The following ARHGAP32 variants were observed in gnomAD, a reference collection of about 807,000 sequenced individuals.
ARHGAP32 encodes rho GTPase-activating protein 32.
In ARHGAP32, 51 loss-of-function variants were observed where a neutral mutation model predicts 186.5. The observed-to-expected ratio is 0.27, with a 90% CI of 0.22 to 0.35. The LOEUF (loss-of-function observed/expected upper bound fraction) is 0.35, where lower values mean the gene tolerates loss of function less well. Ranked by LOEUF, ARHGAP32 falls within the 10% of genes least tolerant of loss-of-function variation. The pLI, the probability that ARHGAP32 is intolerant of heterozygous loss-of-function variation, is 1.00. For synonymous variants in ARHGAP32, 950 were observed against 964.3 expected (o/e 0.99, Z 0.27); for missense variants, 2,186 against 2,623.5 (o/e 0.83, Z 3.64).
At chr11:129,009,086 T>C (rs552989849) in intron 11 of ARHGAP32, among the ~76,000 whole-genome samples, 7 of 152,334 alleles carry the variant, frequency 4.6e-5, no homozygotes, top group African/African-American at 1.7e-4. Flanking sequence ...TATACAATAA[T>C]TTGGAAGAAT....
intron 11 of ARHGAP32, among the ~76,000 whole-genome samples, chr11:129,001,143 C>A (rs1452521852): frequency 1.3e-5 from 2 of 152,146 alleles, no homozygotes; most frequent in Non-Finnish European, 2.9e-5. Context: ...TGGGTATATA[C>A]CCAGCAGTAG....
At chr11:129,053,554 C>A (rs1222519658) in intron 10 of ARHGAP32, among the ~76,000 whole-genome samples, 1 of 152,062 alleles carries the variant, frequency 6.6e-6, no homozygotes, top group Non-Finnish European at 1.5e-5. Flanking sequence ...CTGTTATATG[C>A]CTAAAATGCA....
At chr11:129,231,006 G>A (rs1170346084) in intron 1 of ARHGAP32, among the ~76,000 whole-genome samples, 3 of 151,998 alleles carry the variant, frequency 2.0e-5, no homozygotes, top group African/African-American at 7.3e-5. Context: ...ATGGTGGTGG[G>A]TGCCTGTAAT....
At chr11:129,279,421 A>C (rs1239540342), upstream of ARHGAP32, 13 of 142,084 alleles carry the variant, frequency 9.1e-5, no homozygotes, top group African/African-American at 3.3e-4. Context: ...TCCGGCACGC[A>C]CCGCGCTCGC....
intron 5 of ARHGAP32, among the ~76,000 whole-genome samples, chr11:129,119,698 T>C (rs945483562): frequency 2.0e-5 from 3 of 152,012 alleles, no homozygotes; most frequent in South Asian, 2.1e-4. Flanking sequence ...GTGACTATAG[T>C]TGCAATCTTA....
At chr11:129,278,849 G>A (rs895985634) in intron 1 of ARHGAP32, among the ~76,000 whole-genome samples, 3 of 150,988 alleles carry the variant, frequency 2.0e-5, no homozygotes, top group East Asian at 2.0e-4. Flanking sequence ...TGGGCCCGGG[G>A]CGGAGAGCGC....
chr11:129,168,178 C>T (rs1315068342), intron 1 of ARHGAP32, among the ~76,000 whole-genome samples: 1 of 152,102 alleles, frequency 6.6e-6, no homozygotes, highest in African/African-American at 2.4e-5. Flanking sequence ...CCCAGGATGT[C>T]GAGGCTGCAG....
At position 129,066,854 on chromosome 11, in the gene ARHGAP32, A is replaced by T; in HGVS notation, c.546T>A (p.Ile182=). The change falls in exon 7 of 23, where the codon ATT becomes ATA. Residue 182 remains isoleucine (I), a synonymous_variant. Coordinates refer to ENST00000682385, the MANE Select transcript of ARHGAP32 (RefSeq NM_001378024.1). ...VQIACQGKSW[I]VKRSYEDFRV... Reference sequence around the variant, plus strand: ...GAAAATCTTCATAACTTCTTTTAACAATCCAACTTTTTCCCTATTGGTAGA... The same window carrying T: ...GAAAATCTTCATAACTTCTTTTAACTATCCAACTTTTTCCCTATTGGTAGA... 6.2e-7 allele frequency: 1 copy of T among 1,605,948 alleles called. No individual in the cohort carries two copies. The highest frequency in any genetic ancestry group is 8.5e-7 in the Non-Finnish European group (1 of 1,175,530).
At chr11:129,086,857 T>C (rs1284102407) in intron 6 of ARHGAP32, among the ~76,000 whole-genome samples, 1 of 149,562 alleles carries the variant, frequency 6.7e-6, no homozygotes, top group African/African-American at 2.5e-5. Flanking sequence ...GATAAAGCAC[T>C]GTAAACCAAA....
intron 6 of ARHGAP32, among the ~76,000 whole-genome samples, chr11:129,090,654 C>G (rs1279398416): frequency 2.0e-5 from 3 of 152,016 alleles, no homozygotes; most frequent in Non-Finnish European, 4.4e-5. Flanking sequence ...AAACGCCCAC[C>G]ACAGATGGGC....
intron 5 of ARHGAP32, among the ~76,000 whole-genome samples, chr11:129,109,763 G>A (rs1005527239): frequency 6.6e-6 from 1 of 151,868 alleles, no homozygotes. Context: ...ACTTTTTAAT[G>A]AGATTTGTGT....
chr11:129,242,035 T>C (rs1049991607), intron 1 of ARHGAP32, among the ~76,000 whole-genome samples: 2 of 152,220 alleles, frequency 1.3e-5, no homozygotes, highest in Non-Finnish European at 2.9e-5. Flanking sequence ...CTGTTGCTTT[T>C]CTTTGAAAGT....
At chr11:129,013,317 C>T (rs1321281069) in intron 11 of ARHGAP32, among the ~76,000 whole-genome samples, 5 of 152,130 alleles carry the variant, frequency 3.3e-5, no homozygotes, top group Non-Finnish European at 4.4e-5. Flanking sequence ...AACATTGCTA[C>T]GTAGATTAGA....
At chr11:129,212,601 C>T (rs1348314879) in intron 1 of ARHGAP32, among the ~76,000 whole-genome samples, 2 of 152,106 alleles carry the variant, frequency 1.3e-5, no homozygotes, top group Non-Finnish European at 2.9e-5. Context: ...TTCCTAAATA[C>T]TTATATGAAT....
chr11:129,233,543 G>A (rs532118770), intron 1 of ARHGAP32, among the ~76,000 whole-genome samples: 9 of 151,808 alleles, frequency 5.9e-5, no homozygotes, highest in African/African-American at 9.7e-5. Context: ...CTCACTTTTC[G>A]GATGCCTTAG....
chr11:129,111,382 C>T (rs888852648), intron 5 of ARHGAP32, among the ~76,000 whole-genome samples: 2 of 152,038 alleles, frequency 1.3e-5, no homozygotes, highest in African/African-American at 2.4e-5. Context: ...CTGTAGTTTT[C>T]GGATTTTGGT....
intron 1 of ARHGAP32, among the ~76,000 whole-genome samples, chr11:129,263,926 G>A (rs1467421344): frequency 2.0e-5 from 3 of 152,076 alleles, no homozygotes; most frequent in African/African-American, 7.2e-5. Flanking sequence ...ACTCAAAGAG[G>A]TATTTGCATA....
At chr11:129,186,444 G>T (rs146385640) in intron 1 of ARHGAP32, among the ~76,000 whole-genome samples, 1 of 152,174 alleles carries the variant, frequency 6.6e-6, no homozygotes, top group Non-Finnish European at 1.5e-5. Context: ...AATGTTCTGA[G>T]ATTAAGGGAT....
At chr11:129,080,912 A>C (rs1941201021) in intron 6 of ARHGAP32, among the ~76,000 whole-genome samples, 1 of 152,104 alleles carries the variant, frequency 6.6e-6, no homozygotes, top group South Asian at 2.1e-4. Flanking sequence ...ATTAGAAATA[A>C]ATGGGAGCTA....
Sources: allele counts gnomAD v4.1 joint callset (sites outside exome capture counted in the v4.1 genomes callset), GRCh38; gene constraint gnomAD v4.1.1; transcripts MANE v1.5; gene names NCBI Gene and HGNC (gene_info 2026-07-23, HGNC 2026-07-21).